Variants in VPS13C observed in about 807,000 individuals in gnomAD.
The protein encoded by VPS13C is vacuolar protein sorting 13 homolog C, also known as intermembrane lipid transfer protein VPS13C.
A neutral mutation model predicts 456.8 loss-of-function variants in VPS13C; 358 were observed. The observed-to-expected ratio is 0.78, with a 90% CI of 0.72 to 0.86. VPS13C has a LOEUF of 0.86. VPS13C is among the 40% of genes least tolerant of loss of function. The pLI is 0.00. For missense variants in VPS13C, 4,818 were observed against 4,385.4 expected (o/e 1.10, Z -2.79); for synonymous variants, 1,578 against 1,486.7 (o/e 1.06, Z -1.41).
intron 37 of VPS13C, among the ~76,000 whole-genome samples, chr15:61,955,500 A>G (rs147936816): frequency 6.6e-6 from 1 of 152,312 alleles, no homozygotes; most frequent in Non-Finnish European, 1.5e-5. Context: ...CTACACCAGA[A>G]TTCCATACAG....
intron 66 of VPS13C, among the ~76,000 whole-genome samples, chr15:61,895,474 G>A (rs2042780071): frequency 6.6e-6 from 1 of 151,968 alleles, no homozygotes; most frequent in Admixed American, 6.5e-5. Flanking sequence ...AAAAAGAGAA[G>A]ACCTCAAATC....
intron 34 of VPS13C, 96 bp downstream of exon 34, chr15:61,962,275 C>T (rs930451338): frequency 2.6e-6 from 3 of 1,166,726 alleles, no homozygotes. Context: ...ATAATGCCCA[C>T]TCTAAAATCC....
At chr15:61,946,479 C>A in intron 43 of VPS13C, 69 bp from the exon 44 acceptor site, 1 of 1,072,550 alleles carries the variant, frequency 9.3e-7, no homozygotes, top group South Asian at 1.6e-5. Flanking sequence ...TATTTAAGTT[C>A]AATAATATAC....
At position 61,880,946 on chromosome 15, in the gene VPS13C, A is replaced by G; in HGVS notation, c.9785T>C (p.Met3262Thr). 1.3e-6 allele frequency: 2 copies of G among 1,590,214 alleles called. No individual in the cohort carries two copies. Among genetic ancestry groups the G allele is most frequent in the Non-Finnish European group, 1.7e-6 (2 of 1,172,408 alleles). The change falls in exon 72 of 85, where the codon ATG becomes ACG. Residue 3262 changes from methionine to threonine, a missense_variant. Met to Thr is a moderately conservative substitution (Grantham distance 81). Transcript: ENST00000644861. The stretch of plus-strand genomic sequence containing the variant: ...TAAGGCCATTTCCTGAATGAGGACC[A>G]TAAAATACCTAAGAAAAAAAATTTA... ...YSKVLQFKYF[M>T]VLIQEMALKI...
rs757454342 is a variant in VPS13C, at chr15:62,010,528, T to G, written c.955A>C (p.Lys319Gln). The change falls in exon 13 of 85, where the codon AAA (lysine) becomes CAA (glutamine). Residue 319 changes from lysine to glutamine, a missense_variant. Around this residue, in one of 3 missense-constraint regions of VPS13C, gnomAD observed 4,552 missense variants for 4,130.6 expected, o/e 1.10. Coordinates refer to ENST00000644861, the MANE Select transcript of VPS13C (RefSeq NM_020821.3). ...TGTATTTCTATGTTGCAATCCAGTTTGGGCGTTTTGAGCTCTGATTCTGCA... is the reference window on the plus strand; with the variant it reads ...TGTATTTCTATGTTGCAATCCAGTTGGGGCGTTTTGAGCTCTGATTCTGCA... ...PYAESELKTPKLDCNIEIQNI... is the reference protein window; with the variant it reads ...PYAESELKTPQLDCNIEIQNI... The G allele has an allele frequency of 1.2e-5, 20 of 1,613,460 alleles. No homozygotes were observed. The African/African-American group carries it at 2.5e-4, about 20-fold the overall frequency.
chr15:61,997,004 T>TATATATAC (rs2046410148), intron 16 of VPS13C, among the ~76,000 whole-genome samples: 1 of 150,778 alleles, frequency 6.6e-6, no homozygotes, highest in South Asian at 2.1e-4. Context: ...CATACATATA[T>TATATATAC]ATATATATGT....
At chr15:61,868,065 G>A in intron 81 of VPS13C, 1 of 721,666 alleles carries the variant, frequency 1.4e-6, no homozygotes, top group South Asian at 1.8e-5. Flanking sequence ...TTATTTTAAA[G>A]TCAAGGTAGA....
chr15:61,892,899 G>C (rs770807246), intron 66 of VPS13C, among the ~76,000 whole-genome samples: 17 of 152,166 alleles, frequency 1.1e-4, no homozygotes, highest in Non-Finnish European at 2.4e-4. Flanking sequence ...GTAGAGGATG[G>C]AATCAGTTAG....
chr15:61,951,437 G>C (rs2044787966), intron 39 of VPS13C, among the ~76,000 whole-genome samples: 1 of 151,952 alleles, frequency 6.6e-6, no homozygotes, highest in East Asian at 1.9e-4. Context: ...AAACTTAAAA[G>C]GTCAAGGATA....
At chr15:62,015,162 G>T (rs1273684037) in intron 9 of VPS13C, among the ~76,000 whole-genome samples, 1 of 152,080 alleles carries the variant, frequency 6.6e-6, no homozygotes, top group Non-Finnish European at 1.5e-5. Flanking sequence ...CAGTTTTCTG[G>T]AACAATTCTC....
Position 61,917,328 on chromosome 15 carries a change from G to T in VPS13C, c.8055+13C>A, listed in dbSNP as rs760813318. The T allele has an allele frequency of 1.2e-6, 2 of 1,606,292 alleles. No individual in the cohort carries two copies. The highest frequency in any genetic ancestry group is 1.7e-5 in the Admixed American group (1 of 59,568). On this transcript the variant is annotated intron_variant, in intron 60 of 84. Transcript: ENST00000644861. ...TGCAACAACAAAAATCAAACAAAAT[G>T]CAAGAGACATACCTCAAGTAAATAT...
At position 61,852,997 on chromosome 15, in the gene VPS13C, T is replaced by C. The variant is rs1457330422; in HGVS notation, c.*1460A>G. 1 of 152,156 alleles carries C rather than the reference T, an allele frequency of 6.6e-6. No individual in the cohort carries two copies. Among genetic ancestry groups the C allele is most frequent in the East Asian group, 1.9e-4 (1 of 5,198 alleles). 9.4% of individuals were successfully genotyped at this position (152,156 alleles called of 1,614,324 possible). ...CATGAATTCAGTGATTTGAAATAAA[T>C]GTTGTTATGTTAAACATTATGAGCA... On this transcript the variant is annotated 3_prime_UTR_variant, in exon 85 of 85. Coordinates refer to ENST00000644861, the MANE Select transcript of VPS13C (RefSeq NM_020821.3).
chr15:61,966,941 T>TA (rs2045394340), intron 29 of VPS13C, among the ~76,000 whole-genome samples: 1 of 152,032 alleles, frequency 6.6e-6, no homozygotes, highest in African/African-American at 2.4e-5. Flanking sequence ...GGCAGCTAAA[T>TA]ACCATCAGTT....
chr15:61,876,854 AC>A, intron 75 of VPS13C, 118 bp downstream of exon 75: 1 of 649,526 alleles, frequency 1.5e-6, no homozygotes, highest in Non-Finnish European at 2.4e-6. Flanking sequence ...GCCACTAAAT[AC>A]GGAGATTTCA....
At chr15:61,917,279 A>G in intron 60 of VPS13C, 62 bp downstream of exon 60, 2 of 1,531,332 alleles carry the variant, frequency 1.3e-6, no homozygotes, top group Non-Finnish European at 1.8e-6. Flanking sequence ...AAAATACCAT[A>G]AAACAAAATC....
chr15:61,868,670 C>G lies in VPS13C; in HGVS notation c.10852G>C (p.Asp3618His). ...PYDRQESEGS[D>H]LLENHIKKLE... ...AGAACAAAATTTACCTCAAGTAAGTCAGAGCCCTCAGATTCCTGTCTGTCA... is the reference window on the plus strand; with the variant it reads ...AGAACAAAATTTACCTCAAGTAAGTGAGAGCCCTCAGATTCCTGTCTGTCA... Residue 3618 changes from aspartate (D) to histidine (H), a missense_variant, in exon 81 of 85, where the codon GAC becomes CAC. Coordinates refer to ENST00000644861, the MANE Select transcript of VPS13C (RefSeq NM_020821.3). The G allele has an allele frequency of 6.2e-7, 1 of 1,614,028 alleles. No individual in the cohort carries two copies. Among genetic ancestry groups the G allele is most frequent in the Non-Finnish European group, 8.5e-7 (1 of 1,179,982 alleles).
rs1236527376 is a variant in VPS13C, at chr15:62,053,990, GAAC to G, written c.100+6282_100+6284del. ...GATTCCACCTGTCCAGTGGAATTAA[GAAC>G]AACAGAGTTCCGAGTACTGGAGGAT... On this transcript the variant is annotated intron_variant, in intron 1 of 84. Coordinates refer to ENST00000644861, the MANE Select transcript of VPS13C (RefSeq NM_020821.3). Among the ~76,000 whole-genome samples the G allele has an allele frequency of 2.6e-5, 4 of 152,098 alleles. No individual in the cohort carries two copies. The East Asian group carries it at 7.7e-4, about 29-fold the overall frequency.
chr15:62,015,333 T>C (rs930741952), intron 9 of VPS13C, among the ~76,000 whole-genome samples: 9 of 152,144 alleles, frequency 5.9e-5, no homozygotes, highest in African/African-American at 1.9e-4. Context: ...TAGTTTCTTT[T>C]GCTGTGCAGA....
chr15:62,024,957 G>T (rs1263083313), intron 6 of VPS13C, among the ~76,000 whole-genome samples: 1 of 152,046 alleles, frequency 6.6e-6, no homozygotes, highest in Non-Finnish European at 1.5e-5. Flanking sequence ...CTGCCTGTGT[G>T]AAGCCTTCTT....
Sources: gnomAD v4.1 joint callset for allele counts (sites outside exome capture counted in the v4.1 genomes callset) on GRCh38, gnomAD v4.1.1 for gene constraint, gnomAD v4.1.1 regional missense constraint, MANE v1.5 for transcripts, NCBI Gene and HGNC (gene_info 2026-07-23, HGNC 2026-07-21) for gene names.